The following STT3A variants were observed in gnomAD, a reference collection of about 807,000 sequenced individuals.
STT3A encodes the protein dolichyl-diphosphooligosaccharide--protein glycosyltransferase subunit STT3A.
A neutral mutation model predicts 89.2 loss-of-function variants in STT3A; 34 were observed. That is an observed-to-expected ratio of 0.38 (90% CI 0.29 to 0.51). The LOEUF (loss-of-function observed/expected upper bound fraction) is 0.51, where lower values mean the gene tolerates loss of function less well. Among genes scored for constraint, STT3A ranks in the 20% least tolerant of loss-of-function variants. The probability of loss-of-function intolerance (pLI) is 0.89; values close to 1 mark genes in which losing one functional copy is unlikely to be tolerated. For synonymous variants in STT3A, 282 were observed against 310.3 expected, an observed-to-expected ratio of 0.91 and a Z score of 0.96; for missense variants, 555 against 889.5, an observed-to-expected ratio of 0.62 and a Z score of 4.78.
At chr11:125,603,257 G>GAA in intron 5 of STT3A, 1 of 222,368 alleles carries the variant, frequency 4.5e-6, no homozygotes. Flanking sequence ...TAAGGGAGAG[G>GAA]AAAAAAAAAC....
chr11:125,604,063 T>C, intron 5 of STT3A, 94 bp from the exon 6 acceptor site: 1 of 1,304,830 alleles, frequency 7.7e-7, no homozygotes, highest in East Asian at 2.4e-5. Context: ...GACTGTTTTC[T>C]GGGCTCATTA....
In STT3A at chr11:125,614,533, C is replaced by T; in HGVS notation, c.1774+107C>T. 1.7e-6 allele frequency: 2 copies of T among 1,153,722 alleles called. No individual in the cohort carries two copies. The highest frequency in any genetic ancestry group is 5.0e-5 in the East Asian group (2 of 40,362). The allele number at this position is 1,153,722 out of a possible 1,614,324, so 71.5% of individuals were successfully genotyped here. ...ACTAATATTTTACTAAGATATTTTT[C>T]TTTCATGGGAAGTTCCTAAGTATTT... On this transcript the variant is annotated intron_variant, in intron 15 of 17. Transcript: ENST00000392708. The surrounding 1 kb of genome is among the most constrained non-coding windows in gnomAD (Gnocchi z 4.9).
intron 9 of STT3A, 69 bp downstream of exon 9, chr11:125,608,358 A>T (rs1939898641): frequency 6.7e-7 from 1 of 1,481,928 alleles, no homozygotes; most frequent in Non-Finnish European, 9.0e-7. Flanking sequence ...CTTGTTGCCC[A>T]GGCCGGAGTG....
At chr11:125,604,717 G>A (rs1038053836) in intron 6 of STT3A, among the ~76,000 whole-genome samples, 5 of 152,190 alleles carry the variant, frequency 3.3e-5, no homozygotes, top group Admixed American at 3.3e-4. Context: ...CATCTATTAA[G>A]GAAGATTAAA....
intron 10 of STT3A, 181 bp from the exon 11 acceptor site, chr11:125,611,247 A>G (rs987553775): frequency 4.0e-6 from 2 of 498,752 alleles, no homozygotes; most frequent in Non-Finnish European, 3.6e-6. Context: ...TTGCTACTTT[A>G]AAGTGTGCTG....
chr11:125,615,191 C>T (rs1402673737), intron 15 of STT3A, among the ~76,000 whole-genome samples: 1 of 151,990 alleles, frequency 6.6e-6, no homozygotes, highest in Non-Finnish European at 1.5e-5. Context: ...CGCTTGAACT[C>T]GGGAGGGAGA....
chr11:125,613,774 A>G lies in STT3A; in HGVS notation c.1555-313A>G, dbSNP rs1355337671. The stretch of plus-strand genomic sequence containing the variant: ...AAAGGTTATTTAAGAAAATTGTCTA[A>G]TGACACTAGGCTATTGATGTGGCTA... On this transcript the variant is annotated intron_variant, in intron 13 of 17. Coordinates refer to ENST00000392708, the MANE Select transcript of STT3A (RefSeq NM_152713.5). The surrounding 1 kb of genome is among the most constrained non-coding windows in gnomAD (Gnocchi z 4.2). 6 of 214,838 alleles carry G rather than the reference A, an allele frequency of 2.8e-5. No homozygotes were observed. The allele number at this position is 214,838 out of a possible 1,614,324, so 13.3% of individuals were successfully genotyped here.
intron 1 of STT3A, chr11:125,593,362 G>A (rs2135893961): frequency 6.5e-6 from 1 of 152,740 alleles, no homozygotes; most frequent in East Asian, 1.9e-4. Flanking sequence ...GGAAATTGCA[G>A]TCTGGGAAAC....
In STT3A at chr11:125,614,366, G is replaced by A. The variant is rs879248545; in HGVS notation, c.1714G>A (p.Glu572Lys). ...GGAAAAAGCCTATGAGATCATGAGG[G>A]AGCTCGATGTCAGCTATGTGCTGGT... is the stretch of plus-strand genomic sequence containing the variant. ...TEEKAYEIMR[E>K]LDVSYVLVIF... The change falls in exon 15 of 18, where the codon GAG becomes AAG. Residue 572 changes from glutamate to lysine, a missense_variant. Physicochemically the swap from Glu to Lys is moderately conservative, Grantham distance 56. Coordinates refer to ENST00000392708, the MANE Select transcript of STT3A (RefSeq NM_152713.5). The surrounding 1 kb of genome is among the most constrained non-coding windows in gnomAD (Gnocchi z 4.9). 4 of 1,613,986 alleles carry A rather than the reference G, an allele frequency of 2.5e-6. No individual in the cohort carries two copies. Among genetic ancestry groups the A allele is most frequent in the Non-Finnish European group, 8.5e-7 (1 of 1,180,018 alleles).
chr11:125,592,553 C>G, upstream of STT3A: 2 of 449,002 alleles, frequency 4.5e-6, no homozygotes, highest in Non-Finnish European at 8.9e-6. Flanking sequence ...TGCGACTCCC[C>G]GTGGGTCCGC....
chr11:125,613,218 A>C lies in STT3A; in HGVS notation c.1554+41A>C, dbSNP rs1366611477. The C allele has an allele frequency of 6.2e-7, 1 of 1,602,764 alleles. No homozygotes were observed. The highest frequency in any genetic ancestry group is 1.3e-5 in the African/African-American group (1 of 74,728). On this transcript the variant is annotated intron_variant, in intron 13 of 17. Coordinates refer to ENST00000392708, the MANE Select transcript of STT3A (RefSeq NM_152713.5). The surrounding 1 kb of genome is among the most constrained non-coding windows in gnomAD (Gnocchi z 4.2). ...GGGTGGGAATTGTGGGTTAGGGGCAAAGGGGAAGACATTTGATGTTACAGT... is the reference window on the plus strand; with the variant it reads ...GGGTGGGAATTGTGGGTTAGGGGCACAGGGGAAGACATTTGATGTTACAGT...
At position 125,618,423 on chromosome 11, in the gene STT3A, G is replaced by C; in HGVS notation, c.1825G>C (p.Gly609Arg). The change falls in exon 16 of 18, where the codon GGC becomes CGC. Residue 609 changes from glycine (G) to arginine (R), a missense_variant. Around this residue, in one of 5 missense-constraint regions of STT3A, gnomAD observed 273 missense variants for 449.8 expected, o/e 0.61. Coordinates refer to ENST00000392708, the MANE Select transcript of STT3A (RefSeq NM_152713.5). ...MVRIGGSTDT[G>R]KHIKENDYYT... ...CCGGATTGGAGGGAGCACAGATACA[G>C]GCAAACATATCAAGGAGAATGACTA... The C allele has an allele frequency of 2.5e-6, 4 of 1,613,554 alleles. No homozygotes were observed. Among genetic ancestry groups the C allele is most frequent in the Non-Finnish European group, 3.4e-6 (4 of 1,179,910 alleles).
chr11:125,611,535 G>C lies in STT3A; in HGVS notation c.1209+16G>C. The C allele has an allele frequency of 1.2e-6, 2 of 1,610,494 alleles. No homozygotes were observed. The highest frequency in any genetic ancestry group is 1.7e-6 in the Non-Finnish European group (2 of 1,177,308). On this transcript the variant is annotated intron_variant, in intron 11 of 17. Coordinates refer to ENST00000392708, the MANE Select transcript of STT3A (RefSeq NM_152713.5). ...AGCTGTAATGGTGAGGATGCCCTCA[G>C]TCTGGTAGACTTTTTCACTCTAACT...
chr11:125,610,309 C>T (rs929321981), intron 10 of STT3A, among the ~76,000 whole-genome samples: 56 of 152,300 alleles, frequency 3.7e-4, no homozygotes, highest in African/African-American at 1.2e-3. Context: ...AAGCAGTCTG[C>T]TCACCTTGGC....
chr11:125,612,892 G>T, intron 12 of STT3A, 97 bp from the exon 13 acceptor site: 2 of 1,522,960 alleles, frequency 1.3e-6, no homozygotes, highest in Non-Finnish European at 1.8e-6. Flanking sequence ...GACTTATTTT[G>T]ATCAATCTCA....
rs542783747 is a variant in STT3A at position 125,614,294 on chromosome 11, G to A, written c.1672-30G>A. On this transcript the variant is annotated intron_variant, in intron 14 of 17. Transcript: ENST00000392708. The surrounding 1 kb of genome is among the most constrained non-coding windows in gnomAD (Gnocchi z 4.9). ...AGGGGATCATATGACTTGGGATTTT[G>A]CTCTGAGAATTGTACATTTGTTTTT... 3 of 1,613,892 alleles carry A rather than the reference G, an allele frequency of 1.9e-6. No individual in the cohort carries two copies. In the South Asian group the frequency reaches 3.3e-5, roughly 18 times the overall value.
rs11825455 is a variant in STT3A at position 125,602,452 on chromosome 11, T to A, written c.271+28T>A. On this transcript the variant is annotated intron_variant, in intron 4 of 17. Transcript: ENST00000392708. ...GAGGAGACCAGATGTGTTTTTTTTT[T>A]TAAAAAAAAAACAGAAATATTTGTA... is the stretch of plus-strand genomic sequence containing the variant. 6.2e-3 allele frequency: 9,436 copies of A among 1,513,584 alleles called. 245 individuals are homozygous for A. The African/African-American group carries it at 0.1, about 16-fold the overall frequency. The allele number at this position is 1,513,584 out of a possible 1,614,324, so 93.8% of individuals were successfully genotyped here.
At chr11:125,604,288 T>C (rs1473886660) in intron 6 of STT3A, 41 bp downstream of exon 6, 1 of 1,597,064 alleles carries the variant, frequency 6.3e-7, no homozygotes, top group Admixed American at 1.7e-5. Context: ...TCTCACCTCA[T>C]TATCCAACAG....
intron 15 of STT3A, among the ~76,000 whole-genome samples, chr11:125,615,567 C>T (rs1171816808): frequency 6.6e-6 from 1 of 152,116 alleles, no homozygotes; most frequent in Admixed American, 6.5e-5. Context: ...AGCATCTACA[C>T]TGTATTAAGT....
Sources: gnomAD v4.1 joint callset for allele counts (sites outside exome capture counted in the v4.1 genomes callset) on GRCh38, gnomAD v4.1.1 for gene constraint, gnomAD v4.1.1 regional missense constraint, Gnocchi (gnomAD v3.1) non-coding constraint, MANE v1.5 for transcripts, NCBI Gene and HGNC (gene_info 2026-07-23, HGNC 2026-07-21) for gene names.